Variants in NTRK3 observed in about 807,000 individuals in gnomAD.
NTRK3 encodes the protein neurotrophic receptor tyrosine kinase 3, also known as NT-3 growth factor receptor.
Under a neutral mutation model 91.7 loss-of-function variants are expected in NTRK3, and 24 were observed. The observed-to-expected ratio is 0.26, with a 90% CI of 0.19 to 0.37. NTRK3 has a LOEUF of 0.37. Among genes scored for constraint, NTRK3 ranks in the 10% least tolerant of loss-of-function variants. The probability of loss-of-function intolerance (pLI) is 1.00; values close to 1 mark genes in which losing one functional copy is unlikely to be tolerated. For synonymous variants in NTRK3, 483 were observed against 404.0 expected, an observed-to-expected ratio of 1.20 and a Z score of -2.34; for missense variants, 880 against 1,068.9, an observed-to-expected ratio of 0.82 and a Z score of 2.46.
At chr15:88,028,960 AC>A (rs2078285871) in intron 14 of NTRK3, among the ~76,000 whole-genome samples, 2 of 152,202 alleles carry the variant, frequency 1.3e-5, no homozygotes, top group African/African-American at 4.8e-5. Context: ...CACATGGGTG[AC>A]AAAGGTAACT....
chr15:87,921,459 T>G (rs894072001), intron 17 of NTRK3, among the ~76,000 whole-genome samples: 1 of 152,140 alleles, frequency 6.6e-6, no homozygotes, highest in Non-Finnish European at 1.5e-5. Flanking sequence ...TAATCCTTTA[T>G]CACCAGTTAA....
intron 13 of NTRK3, among the ~76,000 whole-genome samples, chr15:88,096,300 C>T (rs148704821): frequency 2.8e-4 from 43 of 152,312 alleles, no homozygotes; most frequent in Admixed American, 1.2e-3. Context: ...CCATCATTTA[C>T]ATTTTGCCTG....
At chr15:88,123,716 A>C (rs531214989) in intron 13 of NTRK3, among the ~76,000 whole-genome samples, 1 of 152,232 alleles carries the variant, frequency 6.6e-6, no homozygotes, top group Non-Finnish European at 1.5e-5. Flanking sequence ...AGGCAGGACA[A>C]CTGGAAGCAG....
chr15:88,226,166 C>T (rs897195459), intron 3 of NTRK3, among the ~76,000 whole-genome samples: 3 of 152,176 alleles, frequency 2.0e-5, no homozygotes, highest in African/African-American at 7.2e-5. Flanking sequence ...TGAGCCAGAC[C>T]GTCTCTAAGT....
chr15:88,036,197 C>T lies in NTRK3; in HGVS notation c.1397-3152G>A, dbSNP rs149481428. ...ATGAATGTATGTGCACATACACGCA[C>T]ATACACACACACACGTATATCAAGG... On this transcript the variant is annotated intron_variant, in intron 13 of 18. Transcript: ENST00000394480. 7.6e-3 allele frequency among the ~76,000 whole-genome samples: 1,161 copies of T among 152,178 alleles called. 17 individuals carry two copies. The highest frequency in any genetic ancestry group is 0.034 in the South Asian group (162 of 4,814).
At chr15:87,929,530 G>T in intron 16 of NTRK3, 96 bp from the exon 17 acceptor site, 1 of 1,450,080 alleles carries the variant, frequency 6.9e-7, no homozygotes, top group Non-Finnish European at 9.3e-7. Flanking sequence ...ATGCCCCACA[G>T]AAATAAATAA....
At chr15:88,135,288 C>T (rs1222212361) in exon 10 of NTRK3, 1 of 1,614,182 alleles carries the variant, frequency 6.2e-7, no homozygotes, top group Non-Finnish European at 8.5e-7. Flanking sequence ...GCAGAGGCTG[C>T]CCATTGTGCA....
In NTRK3 at chr15:87,874,671, C is replaced by A. The variant is rs112462826; in HGVS notation, c.*2264G>T. 1,605 of 232,704 alleles carry A rather than the reference C, an allele frequency of 6.9e-3. 11 individuals are homozygous for A. The highest frequency in any genetic ancestry group is 0.01 in the Non-Finnish European group (1,185 of 117,774). The allele number at this position is 232,704 out of a possible 1,614,324, so 14.4% of individuals were successfully genotyped here. On this transcript the variant is annotated 3_prime_UTR_variant, in exon 19 of 19. Transcript: ENST00000394480. ...GGAGCATTGGTGCTTCACTTCTAACCAGAAGATACTTTTCCCTCAGGCGCC... is the reference window on the plus strand; with the variant it reads ...GGAGCATTGGTGCTTCACTTCTAACAAGAAGATACTTTTCCCTCAGGCGCC...
chr15:88,195,370 C>T (rs2047728779), intron 3 of NTRK3, among the ~76,000 whole-genome samples: 1 of 152,244 alleles, frequency 6.6e-6, no homozygotes, highest in Non-Finnish European at 1.5e-5. Context: ...ATCTGCAGCA[C>T]TCATCCAAGT....
intron 3 of NTRK3, among the ~76,000 whole-genome samples, chr15:88,242,481 C>T (rs150869388): frequency 2.0e-4 from 30 of 152,278 alleles, no homozygotes; most frequent in African/African-American, 7.0e-4. Flanking sequence ...ACATTAGATC[C>T]GTTTTCTAAA....
At chr15:87,867,656 A>G (rs2064720462) in exon 19 of NTRK3, 3 of 229,388 alleles carry the variant, frequency 1.3e-5, no homozygotes, top group South Asian at 1.8e-4. Flanking sequence ...CTCCTAGCCC[A>G]GTGCTCTTCT....
intron 13 of NTRK3, among the ~76,000 whole-genome samples, chr15:88,061,710 G>T: frequency 6.6e-6 from 1 of 152,216 alleles, no homozygotes; most frequent in East Asian, 1.9e-4. Context: ...CGTCAGAGAG[G>T]CTGGGCTGGT....
intron 14 of NTRK3, among the ~76,000 whole-genome samples, chr15:87,980,349 G>A (rs980329220): frequency 2.8e-5 from 3 of 107,976 alleles, no homozygotes; most frequent in African/African-American, 1.3e-4. Context: ...GTGTGTGTTT[G>A]CATGTGTACA....
At chr15:87,887,834 TA>T (rs887148307) in intron 17 of NTRK3, among the ~76,000 whole-genome samples, 1 of 152,186 alleles carries the variant, frequency 6.6e-6, no homozygotes, top group Non-Finnish European at 1.5e-5. Context: ...ATCCCTTATT[TA>T]AGCTCTCTCC....
At chr15:87,994,333 G>A (rs2075519524) in intron 14 of NTRK3, among the ~76,000 whole-genome samples, 1 of 152,190 alleles carries the variant, frequency 6.6e-6, no homozygotes, top group Non-Finnish European at 1.5e-5. Context: ...AAGTTAAGAT[G>A]AAGTCACTAG....
At chr15:88,166,743 C>G (rs1328834419) in intron 5 of NTRK3, among the ~76,000 whole-genome samples, 3 of 152,116 alleles carry the variant, frequency 2.0e-5, no homozygotes, top group Non-Finnish European at 4.4e-5. Flanking sequence ...AGCTCTGGAC[C>G]AGACATTTAT....
At chr15:88,101,638 C>A (rs550191906) in intron 13 of NTRK3, among the ~76,000 whole-genome samples, 2 of 152,308 alleles carry the variant, frequency 1.3e-5, no homozygotes, top group South Asian at 4.1e-4. Flanking sequence ...CAATGATAGA[C>A]TGGATTAAGA....
At chr15:88,171,949 A>G (rs1215113872) in intron 5 of NTRK3, among the ~76,000 whole-genome samples, 1 of 152,268 alleles carries the variant, frequency 6.6e-6, no homozygotes, top group East Asian at 1.9e-4. Context: ...TTCCACAGGC[A>G]TATTTCAGGC....
intron 14 of NTRK3, among the ~76,000 whole-genome samples, chr15:87,961,361 C>T (rs1427209762): frequency 6.6e-6 from 1 of 152,160 alleles, no homozygotes; most frequent in Non-Finnish European, 1.5e-5. Flanking sequence ...CATATGCCAC[C>T]GATCCCTAAA....
Sources: allele counts gnomAD v4.1 joint callset (sites outside exome capture counted in the v4.1 genomes callset), GRCh38; gene constraint gnomAD v4.1.1; transcripts MANE v1.5; gene names NCBI Gene and HGNC (gene_info 2026-07-23, HGNC 2026-07-21).